CASD1: variants seen among roughly 807,000 people sequenced by gnomAD.
CASD1 encodes CAS1 domain sialic acid O acetyltransferase 1, also known as N-acetylneuraminate (7)9-O-acetyltransferase.
A neutral mutation model predicts 100.0 loss-of-function variants in CASD1; 41 were observed. The observed-to-expected ratio is 0.41, with a 90% CI of 0.32 to 0.53. The LOEUF is 0.53. Among genes scored for constraint, CASD1 ranks in the 20% least tolerant of loss-of-function variants. The pLI is 0.25. For synonymous variants in CASD1, 321 were observed against 315.6 expected (o/e 1.02, Z -0.18); for missense variants, 774 against 948.7 (o/e 0.82, Z 2.42).
the CASD1 span, among the ~76,000 whole-genome samples, chr7:94,614,359 G>A: frequency 2.6e-5 from 4 of 152,116 alleles, no homozygotes; most frequent in African/African-American, 9.7e-5. Context: ...TATTCTACAA[G>A]TGTGATCTCT....
chr7:94,534,159 ATTTTTT>A (rs56864121), intron 7 of CASD1, among the ~76,000 whole-genome samples: 6 of 100,514 alleles, frequency 6.0e-5, no homozygotes, highest in African/African-American at 2.0e-4. Context: ...CTGTTTCATA[ATTTTTT>A]TTTTTTTTTT....
the CASD1 span, among the ~76,000 whole-genome samples, chr7:94,562,925 G>A: frequency 2.6e-5 from 4 of 152,076 alleles, no homozygotes; most frequent in South Asian, 8.3e-4. Context: ...GAATGCTGGA[G>A]GATTCAGGAA....
In CASD1 at chr7:94,551,386, A is replaced by G; in HGVS notation, c.1864A>G (p.Lys622Glu). ...LFAFIYLALQ[K>E]RQILSEGKGE... ...TGCTTTTATTTATCTGGCTTTGCAGAAGCGTCAAATACTTTCTGAAGGAAA... is the reference window on the plus strand; with the variant it reads ...TGCTTTTATTTATCTGGCTTTGCAGGAGCGTCAAATACTTTCTGAAGGAAA... Residue 622 changes from lysine (K) to glutamate (E), a missense_variant, in exon 15 of 18, where the codon AAG becomes GAG. By Grantham distance (56) the Lys-to-Glu change is moderately conservative (BLOSUM62 1). This residue lies in a region of CASD1 where 175 missense variants were observed against 206.9 expected (regional missense o/e 0.85). Coordinates refer to ENST00000297273, the MANE Select transcript of CASD1 (RefSeq NM_022900.5). 6.4e-7 allele frequency: 1 copy of G among 1,558,398 alleles called. No individual in the cohort carries two copies. The highest frequency in any genetic ancestry group is 8.6e-7 in the Non-Finnish European group (1 of 1,160,252).
chr7:94,552,454 T>G, intron 16 of CASD1, 27 bp downstream of exon 16: 41 of 1,480,132 alleles, frequency 2.8e-5, no homozygotes, highest in Non-Finnish European at 3.6e-5. Flanking sequence ...GAGAAATTTC[T>G]ACATCTTAAT....
chr7:94,512,689 C>T (rs1233883944), intron 1 of CASD1, among the ~76,000 whole-genome samples: 1 of 152,152 alleles, frequency 6.6e-6, no homozygotes, highest in Non-Finnish European at 1.5e-5. Flanking sequence ...TATTTCACTC[C>T]TCTCCACTAT....
the CASD1 span, among the ~76,000 whole-genome samples, chr7:94,562,273 A>C: frequency 6.6e-6 from 1 of 152,058 alleles, no homozygotes; most frequent in African/African-American, 2.4e-5. Flanking sequence ...TTTCCTTCTC[A>C]TATACTTCAG....
At chr7:94,600,492 C>T in the CASD1 span, 9 of 615,236 alleles carry the variant, frequency 1.5e-5, no homozygotes, top group African/African-American at 1.7e-4. Flanking sequence ...TATTTTAATT[C>T]ATTTTAAAGG....
chr7:94,564,776 T>C, the CASD1 span, among the ~76,000 whole-genome samples: 1 of 152,192 alleles, frequency 6.6e-6, no homozygotes, highest in African/African-American at 2.4e-5. Flanking sequence ...AAAGGCTGGT[T>C]ACTCTCCTTT....
At chr7:94,538,118 G>T (rs1251818438) in intron 9 of CASD1, among the ~76,000 whole-genome samples, 4 of 152,088 alleles carry the variant, frequency 2.6e-5, no homozygotes, top group Non-Finnish European at 5.9e-5. Flanking sequence ...GAAAAGTTGG[G>T]AAATATGACC....
chr7:94,623,568 T>C, the CASD1 span: 3 of 595,486 alleles, frequency 5.0e-6, no homozygotes, highest in Non-Finnish European at 8.9e-6. Flanking sequence ...TTTAGCAATA[T>C]TATGGGAAAA....
Position 94,556,178 on chromosome 7 carries a change from T to C in CASD1, c.*420T>C, listed in dbSNP as rs1796198864. The C allele has an allele frequency of 6.4e-6, 1 of 156,648 alleles. No individual in the cohort carries two copies. The highest frequency in any genetic ancestry group is 1.4e-5 in the Non-Finnish European group (1 of 70,924). The allele number at this position is 156,648 out of a possible 1,614,324, so 9.7% of individuals were successfully genotyped here. On this transcript the variant is annotated 3_prime_UTR_variant, in exon 18 of 18. Coordinates refer to ENST00000297273, the MANE Select transcript of CASD1 (RefSeq NM_022900.5). Reference sequence around the variant, plus strand: ...GTAATAAGACTGTCTGCACCTGTATTCATTGTGGAACTTCCTCTTTCATTG... The same window carrying C: ...GTAATAAGACTGTCTGCACCTGTATCCATTGTGGAACTTCCTCTTTCATTG...
intron 16 of CASD1, chr7:94,554,274 C>G: frequency 2.4e-6 from 1 of 419,670 alleles, no homozygotes; most frequent in Non-Finnish European, 4.3e-6. Context: ...CATTGGTATG[C>G]AGCATACCGA....
the CASD1 span, chr7:94,623,932 T>C: frequency 2.7e-6 from 1 of 369,820 alleles, no homozygotes; most frequent in African/African-American, 2.1e-5. Flanking sequence ...GTAAGGATCA[T>C]AGTCCATGAA....
At chr7:94,510,819 G>A (rs937718489) in intron 1 of CASD1, among the ~76,000 whole-genome samples, 2 of 152,278 alleles carry the variant, frequency 1.3e-5, no homozygotes, top group African/African-American at 4.8e-5. Flanking sequence ...AATGGAAGAG[G>A]TGCCACCCAG....
At chr7:94,624,162 C>CAAAAAAA in the CASD1 span, 1 of 334,668 alleles carries the variant, frequency 3.0e-6, no homozygotes, top group Non-Finnish European at 5.2e-6. Context: ...TGCAGTACCT[C>CAAAAAAA]AAAAAAAAAA....
chr7:94,618,969 A>G, the CASD1 span: 7 of 1,569,182 alleles, frequency 4.5e-6, no homozygotes, highest in South Asian at 1.1e-5. Context: ...AATTTTGGTG[A>G]AAAAGGGCAT....
At chr7:94,623,278 A>G in the CASD1 span, 1 of 1,191,832 alleles carries the variant, frequency 8.4e-7, no homozygotes, top group South Asian at 1.3e-5. Flanking sequence ...AAACATAATG[A>G]AATACTTCTT....
At chr7:94,603,260 T>C in the CASD1 span, 1 of 1,583,560 alleles carries the variant, frequency 6.3e-7, no homozygotes, top group Non-Finnish European at 8.7e-7. Flanking sequence ...TATTTTTAAC[T>C]AAACTTGCAA....
At chr7:94,577,002 A>G in the CASD1 span, among the ~76,000 whole-genome samples, 1 of 152,162 alleles carries the variant, frequency 6.6e-6, no homozygotes, top group Non-Finnish European at 1.5e-5. Context: ...TATAATTTAT[A>G]TCTTTTTATT....
Sources: allele counts gnomAD v4.1 joint callset (sites outside exome capture counted in the v4.1 genomes callset), GRCh38; gene constraint gnomAD v4.1.1; regional missense constraint gnomAD v4.1.1; transcripts MANE v1.5; gene names NCBI Gene and HGNC (gene_info 2026-07-23, HGNC 2026-07-21).